GSS: variants seen among roughly 807,000 people sequenced by gnomAD.
The protein encoded by GSS is GSH synthetase.
A neutral mutation model predicts 60.4 loss-of-function variants in GSS; 34 were observed. The ratio of observed to expected loss-of-function variants is 0.56; its 90% CI spans 0.43 to 0.75. The LOEUF (loss-of-function observed/expected upper bound fraction) is 0.75. GSS is among the 30% of genes least tolerant of loss of function. GSS has a pLI of 0.00. For missense variants in GSS, 499 were observed against 595.1 expected (o/e 0.84, Z 1.68); for synonymous variants, 224 against 239.0 (o/e 0.94, Z 0.58).
intron 8 of GSS, among the ~76,000 whole-genome samples, chr20:34,935,952 C>T (rs916120128): frequency 2.0e-4 from 30 of 152,086 alleles, no homozygotes; most frequent in African/African-American, 7.0e-4. Context: ...AATGTTGGCT[C>T]GAAATTACCG....
intron 1 of GSS, among the ~76,000 whole-genome samples, chr20:34,953,812 T>A (rs1476986402): frequency 6.6e-6 from 1 of 152,158 alleles, no homozygotes; most frequent in East Asian, 1.9e-4. Context: ...AGACGGGGTT[T>A]CACCGTGTTA....
chr20:34,945,114 G>A (rs917385138), intron 3 of GSS, among the ~76,000 whole-genome samples: 9 of 151,442 alleles, frequency 5.9e-5, no homozygotes, highest in African/African-American at 2.2e-4. Context: ...TCTGCCTCCT[G>A]GGTTCAAGCG....
At chr20:34,953,436 T>G (rs1482098511) in intron 1 of GSS, among the ~76,000 whole-genome samples, 2 of 152,138 alleles carry the variant, frequency 1.3e-5, no homozygotes, top group African/African-American at 2.4e-5. Context: ...AGGGCAATCA[T>G]AGTAAAGAAC....
At chr20:34,949,572 TA>T (rs1349011629) in intron 2 of GSS, 3 of 152,106 alleles carry the variant, frequency 2.0e-5, no homozygotes, top group African/African-American at 7.2e-5. Context: ...CTGTCCTATA[TA>T]GTATCTTGGG....
intron 11 of GSS, among the ~76,000 whole-genome samples, 183 bp from the exon 12 acceptor site, chr20:34,929,773 A>G (rs1351834490): frequency 6.6e-6 from 1 of 152,216 alleles, no homozygotes; most frequent in African/African-American, 2.4e-5. Context: ...TTACTCATGC[A>G]GTGAACACAT....
chr20:34,949,633 C>G (rs556936188), intron 2 of GSS: 1 of 152,110 alleles, frequency 6.6e-6, no homozygotes, highest in Non-Finnish European at 1.5e-5. Context: ...GAGCCAAATT[C>G]CTTGGGTTCA....
intron 11 of GSS, among the ~76,000 whole-genome samples, chr20:34,930,183 T>C (rs1600377054): frequency 6.6e-6 from 1 of 151,782 alleles, no homozygotes; most frequent in African/African-American, 2.4e-5. Flanking sequence ...GGAGAATCGC[T>C]TGAACCTGGG....
At chr20:34,934,799 C>T (rs910255729) in intron 9 of GSS, among the ~76,000 whole-genome samples, 10 of 152,136 alleles carry the variant, frequency 6.6e-5, no homozygotes, top group Non-Finnish European at 1.2e-4. Flanking sequence ...AGAAACAGAC[C>T]TAGAAAGGGT....
intron 2 of GSS, among the ~76,000 whole-genome samples, chr20:34,951,294 C>T (rs1454326248): frequency 2.0e-5 from 3 of 152,126 alleles, no homozygotes; most frequent in Non-Finnish European, 4.4e-5. Context: ...TCTATATATA[C>T]CTATCTATGT....
At chr20:34,951,380 T>G in intron 2 of GSS, 1 of 283,612 alleles carries the variant, frequency 3.5e-6, no homozygotes, top group East Asian at 8.3e-5. Context: ...ATTATGGGGT[T>G]TTCAGTAATA....
intron 2 of GSS, chr20:34,951,439 C>A: frequency 2.4e-6 from 1 of 410,094 alleles, no homozygotes; most frequent in South Asian, 2.8e-5. Context: ...ATTCTCTTAC[C>A]AAACCAGTGA....
At chr20:34,932,621 T>A (rs2081410804) in intron 9 of GSS, among the ~76,000 whole-genome samples, 1 of 152,178 alleles carries the variant, frequency 6.6e-6, no homozygotes, top group South Asian at 2.1e-4. Flanking sequence ...GCTTTTCCCA[T>A]GCATAGCTGG....
chr20:34,940,447 C>A (rs748019852), intron 6 of GSS, among the ~76,000 whole-genome samples: 1 of 152,146 alleles, frequency 6.6e-6, no homozygotes, highest in South Asian at 2.1e-4. Context: ...TGAGGCTTAG[C>A]AAGGACAGAG....
chr20:34,938,993 C>A (rs1296714840), intron 6 of GSS, among the ~76,000 whole-genome samples: 2 of 152,170 alleles, frequency 1.3e-5, no homozygotes, highest in Non-Finnish European at 2.9e-5. Context: ...ATAGTCCCAG[C>A]ACTTTAAGAG....
chr20:34,945,605 C>G (rs1194317188), intron 3 of GSS, among the ~76,000 whole-genome samples: 2 of 152,144 alleles, frequency 1.3e-5, no homozygotes, highest in African/African-American at 4.8e-5. Flanking sequence ...CAAAACCAGG[C>G]TGACTTCCCC....
At chr20:34,935,399 T>A (rs2081432899) in intron 9 of GSS, among the ~76,000 whole-genome samples, 177 bp downstream of exon 9, 1 of 152,112 alleles carries the variant, frequency 6.6e-6, no homozygotes, top group Non-Finnish European at 1.5e-5. Context: ...GAAGACTGTG[T>A]AGAGTGATAG....
chr20:34,938,844 T>A (rs2081461234), intron 6 of GSS, among the ~76,000 whole-genome samples: 1 of 152,124 alleles, frequency 6.6e-6, no homozygotes, highest in African/African-American at 2.4e-5. Context: ...GACCCCTGAG[T>A]CGTAGGTAGT....
chr20:34,950,721 ATT>A (rs1256590827), intron 2 of GSS, among the ~76,000 whole-genome samples: 5 of 152,104 alleles, frequency 3.3e-5, no homozygotes, highest in Admixed American at 2.0e-4. Flanking sequence ...GTGAGCCAAG[ATT>A]GTGCCACTAC....
intron 3 of GSS, among the ~76,000 whole-genome samples, chr20:34,943,644 T>G (rs2081501565): frequency 6.6e-6 from 1 of 152,198 alleles, no homozygotes; most frequent in South Asian, 2.1e-4. Flanking sequence ...CAGGGAAGCC[T>G]TCCCTATCTG....
Sources: gnomAD v4.1 joint callset for allele counts (sites outside exome capture counted in the v4.1 genomes callset) on GRCh38, gnomAD v4.1.1 for gene constraint, MANE v1.5 for transcripts, NCBI Gene and HGNC (gene_info 2026-07-23, HGNC 2026-07-21) for gene names.